GYG2: variants seen among roughly 807,000 people sequenced by gnomAD.
The protein encoded by GYG2 is glycogenin 2, also known as glycogenin-2.
In GYG2, 29 loss-of-function variants were observed where a neutral mutation model predicts 29.4. The ratio of observed to expected loss-of-function variants is 0.99; its 90% CI spans 0.74 to 1.35. The LOEUF is 1.35. GYG2 is among the 40% of genes most tolerant of loss of function. The probability of loss-of-function intolerance (pLI) is 0.00; values close to 1 mark genes in which losing one functional copy is unlikely to be tolerated. For missense variants in GYG2, 370 were observed against 385.7 expected, an observed-to-expected ratio of 0.96 and a Z score of 0.34; for synonymous variants, 167 against 172.3, an observed-to-expected ratio of 0.97 and a Z score of 0.24.
rs776933056 is a variant in GYG2, at chrX:2,854,490, A to T, written c.324+336A>T. On this transcript the variant is annotated intron_variant, in intron 4 of 10. Transcript: ENST00000398806. ...CCATGTGCATTTCTATTTCTAACAC[A>T]GATGTTCAGTCTATTATAATCAGGC... Among the ~76,000 whole-genome samples the T allele has an allele frequency of 7.1e-5, 8 of 112,520 alleles. 1 individual carries two copies.
Position 2,851,983 on chromosome X carries a change from G to C in GYG2, c.150-1997G>C, listed in dbSNP as rs371770989. 5.4e-5 allele frequency among the ~76,000 whole-genome samples: 6 copies of C among 112,113 alleles called. No individual in the cohort carries two copies. In the East Asian group the frequency reaches 1.7e-3, roughly 31 times the overall value. ...TCAATAGTTATATTAGGTCAGGCGT[G>C]GTGGCTCATGCCTGTAATCCCAGCA... is the stretch of plus-strand genomic sequence containing the variant. On this transcript the variant is annotated intron_variant, in intron 3 of 10. Transcript: ENST00000398806.
chrX:2,867,011 C>T (rs374564674), intron 8 of GYG2, among the ~76,000 whole-genome samples: 22 of 109,839 alleles, frequency 2.0e-4, no homozygotes, highest in African/African-American at 7.3e-4. Flanking sequence ...TTTCCAGGGC[C>T]CAGAACAAGA....
Position 2,835,034 on chromosome X carries a change from C to G in GYG2, c.7+4839C>G, listed in dbSNP as rs751870366. Among the ~76,000 whole-genome samples the G allele has an allele frequency of 4.3e-3, 474 of 111,035 alleles. 4 individuals are homozygous for G. The highest frequency in any genetic ancestry group is 0.014 in the African/African-American group (408 of 30,003). ...CATTTCAGAGACATGAGACATCAGT[C>G]AATACATGTAAGATACACATTGCTT... On this transcript the variant is annotated intron_variant, in intron 2 of 10. Transcript: ENST00000398806.
intron 6 of GYG2, 129 bp from the exon 7 acceptor site, chrX:2,859,714 A>G (rs368350489): frequency 6.0e-5 from 27 of 449,055 alleles, no homozygotes; most frequent in Non-Finnish European, 1.0e-4. Flanking sequence ...ATAATAATCA[A>G]TAATGGAAAC....
intron 8 of GYG2, among the ~76,000 whole-genome samples, chrX:2,865,919 AG>A (rs1298811932): frequency 8.9e-6 from 1 of 111,741 alleles, no homozygotes; most frequent in African/African-American, 3.3e-5. Flanking sequence ...AGTATATTGA[AG>A]GGACATCTGC....
In GYG2 at chrX:2,881,375, A is replaced by G; in HGVS notation, c.*162A>G. 1 of 436,874 alleles carries G rather than the reference A, an allele frequency of 2.3e-6. No homozygotes were observed. Among genetic ancestry groups the G allele is most frequent in the African/African-American group, 2.5e-5 (1 of 40,007 alleles). 36.0% of individuals were successfully genotyped at this position (436,874 alleles called of 1,213,427 possible). ...GTGCCTCACACAAAAAACGTAGAGT[A>G]TAGAAATCCACCTTAAAGCCCCTCG... is the stretch of plus-strand genomic sequence containing the variant. On this transcript the variant is annotated 3_prime_UTR_variant, in exon 11 of 11. Transcript: ENST00000398806.
chrX:2,877,655 G>A (rs920704540), intron 10 of GYG2: 5 of 751,442 alleles, frequency 6.7e-6, no homozygotes, highest in Non-Finnish European at 7.8e-6. Flanking sequence ...GAAAATTGGA[G>A]GGAGTGGGGC....
rs755790405 is a variant in GYG2, at chrX:2,858,652, C to T, written c.615-1191C>T. On this transcript the variant is annotated intron_variant, in intron 6 of 10. Coordinates refer to ENST00000398806, the MANE Select transcript of GYG2 (RefSeq NM_001079855.2). ...GAGTCTGCATTCTCTACAGAGGACA[C>T]GGTGTCCCTAAGGAAGAGAAATTGA... 2.5e-4 allele frequency among the ~76,000 whole-genome samples: 28 copies of T among 111,567 alleles called. 1 individual carries two copies. In the South Asian group the frequency reaches 9.4e-3, roughly 37 times the overall value.
rs1178533184 is a variant in GYG2 at position 2,843,265 on chromosome X, C to T, written c.60C>T (p.Gly20=). The T allele has an allele frequency of 1.6e-5, 19 of 1,192,579 alleles. No homozygotes were observed. Among genetic ancestry groups the T allele is most frequent in the South Asian group, 3.6e-5 (2 of 56,218 alleles). ...TLATNDIYCQ[G]ALVLGQSLRR... is the part of the protein sequence containing the mutation. ...CCACCAATGACATCTACTGCCAGGG[C>T]GCCCTGGTCCTGGGGCAGTCACTGA... The change falls in exon 3 of 11, where the codon GGC becomes GGT. Residue 20 remains glycine, a synonymous_variant. Transcript: ENST00000398806.
intron 3 of GYG2, among the ~76,000 whole-genome samples, chrX:2,846,672 A>G (rs901690565): frequency 1.3e-4 from 15 of 111,241 alleles, no homozygotes; most frequent in African/African-American, 4.9e-4. Context: ...TTGAGCCCAG[A>G]GGTTCGAGGC....
intron 4 of GYG2, 126 bp from the exon 5 acceptor site, chrX:2,854,867 G>A: frequency 1.4e-6 from 1 of 722,443 alleles, no homozygotes; most frequent in Non-Finnish European, 2.0e-6. Flanking sequence ...GGGAGGCGGA[G>A]GCCGCAGTGA....
rs1211108969 is a variant in GYG2 at position 2,875,806 on chromosome X, A to ACAGATGATAGCTTGTCC, written c.1039-3_1052dup. The stretch of plus-strand genomic sequence containing the variant: ...AACTTGCCTTTGCTCTTTCTTTATA[A>ACAGATGATAGCTTGTCC]CAGATGATAGCTTGTCCTGAAACTG... On this transcript the variant is annotated splice_polypyrimidine_tract_variant and splice_region_variant and intron_variant, in intron 8 of 10. Coordinates refer to ENST00000398806, the MANE Select transcript of GYG2 (RefSeq NM_001079855.2). 9 of 1,143,113 alleles carry ACAGATGATAGCTTGTCC rather than the reference A, an allele frequency of 7.9e-6. No individual in the cohort carries two copies. The highest frequency in any genetic ancestry group is 1.1e-5 in the Non-Finnish European group (9 of 835,863). 94.2% of individuals were successfully genotyped at this position (1,143,113 alleles called of 1,213,427 possible).
chrX:2,858,414 C>T (rs1347162682), intron 6 of GYG2, among the ~76,000 whole-genome samples: 1 of 110,769 alleles, frequency 9.0e-6, no homozygotes, highest in African/African-American at 3.3e-5. Context: ...TGCAGTGAGC[C>T]GAGATCGTGC....
At chrX:2,864,096 A>G (rs2088239408) in intron 8 of GYG2, among the ~76,000 whole-genome samples, 2 of 111,951 alleles carry the variant, frequency 1.8e-5, no homozygotes, top group South Asian at 7.5e-4. Context: ...ATTGAAAATA[A>G]TTGAATGCTC....
intron 10 of GYG2, among the ~76,000 whole-genome samples, chrX:2,879,994 A>G (rs2088685156): frequency 8.9e-6 from 1 of 112,193 alleles, no homozygotes; most frequent in African/African-American, 3.2e-5. Context: ...GATGGTTGGT[A>G]GATGAGATAG....
rs2088710448 is a variant in GYG2, at chrX:2,881,088, G to T, written c.1288G>T (p.Glu430Ter). The change falls in exon 11 of 11, where the codon GAA (glutamate) becomes TAA (stop). Residue 430 changes from glutamate to a stop codon, truncating the protein, a stop_gained. Transcript: ENST00000398806. LOFTEE classifies it high-confidence loss of function. ...LAVSVSQISIEEKVKELSPEE... is the reference protein window; with the variant it reads ...LAVSVSQISI ...CGTCTCTGTTTCCCAGATCTCCATC[G>T]AAGAGAAGGTGAAGGAATTGAGCCC... The T allele has an allele frequency of 4.1e-6, 5 of 1,209,335 alleles. No homozygotes were observed. Among genetic ancestry groups the T allele is most frequent in the Non-Finnish European group, 5.6e-6 (5 of 894,022 alleles).
intron 9 of GYG2, 119 bp downstream of exon 9, chrX:2,876,033 CTTTTTTTTTTTTTTTTTTTT>C (rs59937896): frequency 1.4e-5 from 2 of 138,042 alleles, no homozygotes; most frequent in African/African-American, 1.4e-4. Flanking sequence ...AAATTCCTCC[CTTTTTTTTTTTTTTTTTTTT>C]TTTTTTTTGA....
intron 3 of GYG2, among the ~76,000 whole-genome samples, chrX:2,848,976 A>G (rs1271027041): frequency 9.0e-6 from 1 of 110,998 alleles, no homozygotes; most frequent in Non-Finnish European, 1.9e-5. Flanking sequence ...GCAGTGAGCA[A>G]TGACCGTAAA....
chrX:2,866,417 C>G (rs2088297213), intron 8 of GYG2, among the ~76,000 whole-genome samples: 1 of 111,540 alleles, frequency 9.0e-6, no homozygotes, highest in Non-Finnish European at 1.9e-5. Context: ...ATCGCTTGAA[C>G]CTGGGAGGTC....
Sources: allele counts gnomAD v4.1 joint callset (sites outside exome capture counted in the v4.1 genomes callset), GRCh38; gene constraint gnomAD v4.1.1; transcripts MANE v1.5; gene names NCBI Gene and HGNC (gene_info 2026-07-23, HGNC 2026-07-21).